The following SLC35D2 variants were observed in gnomAD, a reference collection of about 807,000 sequenced individuals.
SLC35D2 encodes nucleotide sugar transporter SLC35D2.
SLC35D2 carries 43 observed loss-of-function variants against 41.8 expected under a neutral mutation model. That is an observed-to-expected ratio of 1.03 (90% confidence interval 0.81 to 1.33). SLC35D2 has a LOEUF of 1.33. SLC35D2 is among the 40% of genes most tolerant of loss of function. The pLI is 0.00. For synonymous variants in SLC35D2, 150 were observed against 163.9 expected (o/e 0.92, Z 0.65); for missense variants, 380 against 408.4 (o/e 0.93, Z 0.60).
At chr9:96,370,992 C>T (rs1275215561) in intron 1 of SLC35D2, among the ~76,000 whole-genome samples, 1 of 152,184 alleles carries the variant, frequency 6.6e-6, no homozygotes, top group Non-Finnish European at 1.5e-5. Context: ...GAATGACCAA[C>T]ACCTGAGGTG....
At chr9:96,343,881 T>G in intron 8 of SLC35D2, 23 bp downstream of exon 8, 1 of 1,446,694 alleles carries the variant, frequency 6.9e-7, no homozygotes, top group East Asian at 2.5e-5. Flanking sequence ...TAAGGAAAAC[T>G]GTAATGATTG....
chr9:96,380,567 C>T lies in SLC35D2; in HGVS notation c.158+2910G>A, dbSNP rs530955581. On this transcript the variant is annotated intron_variant, in intron 1 of 11. Coordinates refer to ENST00000253270, the MANE Select transcript of SLC35D2 (RefSeq NM_007001.3). ...CTGCCTCCTGAGTTCAAGTGATTCTCCTGACTCAGCCTCCCAAGTAGCTGG... is the reference window on the plus strand; with the variant it reads ...CTGCCTCCTGAGTTCAAGTGATTCTTCTGACTCAGCCTCCCAAGTAGCTGG... 2.6e-5 allele frequency among the ~76,000 whole-genome samples: 4 copies of T among 151,904 alleles called. No homozygotes were observed. In the South Asian group the frequency reaches 8.3e-4, roughly 32 times the overall value.
intron 9 of SLC35D2, among the ~76,000 whole-genome samples, chr9:96,328,591 T>C (rs1035218164): frequency 4.6e-5 from 7 of 152,198 alleles, no homozygotes; most frequent in African/African-American, 1.4e-4. Flanking sequence ...CTCAAAGCCT[T>C]CTTCTTCCTG....
Position 96,345,299 on chromosome 9 carries a change from CT to C in SLC35D2, c.590del (p.Lys197ArgfsTer3), listed in dbSNP as rs757459908. 6.3e-7 allele frequency: 1 copy of C among 1,580,056 alleles called. No individual in the cohort carries two copies. The highest frequency in any genetic ancestry group is 8.7e-7 in the Non-Finnish European group (1 of 1,153,442). ...AAAAGCCATAGGCAAGGTCTGGTAC[CT>C]TTGGGTCCATTTTCTGTTTGGTATA... Reference protein sequence around the residue: ...GVYTKQKMDPKELGKYGVLFY... With the variant: ...GVYTKQKMDPXELGKYGVLFY... On this transcript the variant is annotated frameshift_variant and splice_region_variant, in exon 7 of 12. Transcript: ENST00000253270. LOFTEE classifies it high-confidence loss of function.
intron 1 of SLC35D2, among the ~76,000 whole-genome samples, chr9:96,369,605 G>A (rs1471119452): frequency 6.6e-6 from 1 of 152,154 alleles, no homozygotes; most frequent in Non-Finnish European, 1.5e-5. Flanking sequence ...AAAGAACAGA[G>A]GTCAAGACAG....
At chr9:96,325,538 C>T (rs1828481589) in intron 9 of SLC35D2, among the ~76,000 whole-genome samples, 1 of 152,126 alleles carries the variant, frequency 6.6e-6, no homozygotes, top group Non-Finnish European at 1.5e-5. Flanking sequence ...CAAAAATTAG[C>T]CGGGCGTGGC....
chr9:96,358,233 A>G (rs35278949), intron 4 of SLC35D2, among the ~76,000 whole-genome samples: 4,356 of 151,618 alleles, frequency 0.029, 81 homozygotes, highest in Middle Eastern at 0.058. Flanking sequence ...AATATTGTAC[A>G]ATTCTACTTC....
Position 96,369,419 on chromosome 9 carries a change from C to T in SLC35D2, c.159-1114G>A, listed in dbSNP as rs551030053. Among the ~76,000 whole-genome samples, 174 of 152,240 alleles carry T rather than the reference C, an allele frequency of 1.1e-3. 1 individual carries two copies. The highest frequency in any genetic ancestry group is 6.2e-4 in the Non-Finnish European group (42 of 68,026). ...CAGATATTTTGTGGAAACTGGCAAT[C>T]TGATCCTAAAGCTGAATGAAAAGAA... On this transcript the variant is annotated intron_variant, in intron 1 of 11. Transcript: ENST00000253270.
chr9:96,368,327 A>C, intron 1 of SLC35D2, 22 bp from the exon 2 acceptor site: 1 of 1,598,626 alleles, frequency 6.3e-7, no homozygotes, highest in Non-Finnish European at 8.6e-7. Context: ...ACAGAACAAC[A>C]AATCAGTTGA....
chr9:96,347,066 G>A (rs1010028012), intron 6 of SLC35D2, among the ~76,000 whole-genome samples: 3 of 152,218 alleles, frequency 2.0e-5, no homozygotes, highest in Non-Finnish European at 4.4e-5. Flanking sequence ...AACCAGGGAG[G>A]CAGAGGTTGT....
chr9:96,373,963 T>TA (rs1830825304), intron 1 of SLC35D2: 1 of 152,200 alleles, frequency 6.6e-6, no homozygotes, highest in Non-Finnish European at 1.5e-5. Context: ...CAAGCTGAAG[T>TA]ATTTCAGAGT....
chr9:96,358,077 A>ATT lies in SLC35D2; in HGVS notation c.347+2075_347+2076dup, dbSNP rs1554715391. Among the ~76,000 whole-genome samples the ATT allele has an allele frequency of 1.6e-4, 13 of 82,228 alleles. 1 individual carries two copies. The South Asian group carries it at 2.8e-3, about 17-fold the overall frequency. The allele number at this position is 82,228 out of a possible 152,430, so 53.9% of individuals were successfully genotyped here. On this transcript the variant is annotated intron_variant, in intron 4 of 11. Coordinates refer to ENST00000253270, the MANE Select transcript of SLC35D2 (RefSeq NM_007001.3). Reference sequence around the variant, plus strand: ...TAAATGGATAAACAAAATATTATATATTTTATATATATATATATATATATA... The same window carrying ATT: ...TAAATGGATAAACAAAATATTATATATTTTTTATATATATATATATATATATA...
chr9:96,357,875 C>CA (rs985556241), intron 4 of SLC35D2, among the ~76,000 whole-genome samples: 8 of 151,378 alleles, frequency 5.3e-5, no homozygotes, highest in Admixed American at 3.9e-4. Flanking sequence ...CTAGTCTCTA[C>CA]AAAAAACATA....
At chr9:96,334,648 A>AT (rs944786895) in intron 9 of SLC35D2, among the ~76,000 whole-genome samples, 2 of 152,086 alleles carry the variant, frequency 1.3e-5, no homozygotes, top group African/African-American at 4.8e-5. Context: ...AAAAAAAAAA[A>AT]TTTTTTTTAA....
intron 8 of SLC35D2, among the ~76,000 whole-genome samples, chr9:96,341,158 G>C (rs554253240): frequency 1.3e-5 from 2 of 152,000 alleles, no homozygotes; most frequent in African/African-American, 4.8e-5. Context: ...GTGGTGGTGC[G>C]CTCCTGTAAT....
chr9:96,343,958 G>A lies in SLC35D2; in HGVS notation c.630C>T (p.Cys210=), dbSNP rs1480023507. The A allele has an allele frequency of 2.5e-6, 4 of 1,601,604 alleles. No homozygotes were observed. The highest frequency in any genetic ancestry group is 1.1e-5 in the South Asian group (1 of 88,786). ...GKYGVLFYNA[C]FMIIPTLIIS... ...TAATAAGAGTTGGGATAATCATGAA[G>A]CAGGCATTGTAGAAAAGTACTCCGT... is the stretch of plus-strand genomic sequence containing the variant. Residue 210 remains cysteine, a synonymous_variant, in exon 8 of 12, where the codon TGC becomes TGT. Coordinates refer to ENST00000253270, the MANE Select transcript of SLC35D2 (RefSeq NM_007001.3).
intron 1 of SLC35D2, among the ~76,000 whole-genome samples, chr9:96,377,597 A>G (rs1447600564): frequency 1.3e-5 from 2 of 152,216 alleles, no homozygotes; most frequent in Non-Finnish European, 2.9e-5. Context: ...TTCCCAAATA[A>G]AACATTAAAT....
chr9:96,336,628 TTC>T, intron 9 of SLC35D2, 87 bp downstream of exon 9: 4 of 819,790 alleles, frequency 4.9e-6, no homozygotes, highest in Non-Finnish European at 7.9e-6. Flanking sequence ...CACAAAGGAA[TTC>T]TGACAGAATA....
intron 7 of SLC35D2, among the ~76,000 whole-genome samples, chr9:96,344,837 C>T (rs189577315): frequency 1.3e-5 from 2 of 152,036 alleles, no homozygotes; most frequent in Non-Finnish European, 2.9e-5. Flanking sequence ...TGGACAAGAC[C>T]TTACAAATTA....
Sources: gnomAD v4.1 joint callset for allele counts (sites outside exome capture counted in the v4.1 genomes callset) on GRCh38, gnomAD v4.1.1 for gene constraint, MANE v1.5 for transcripts, NCBI Gene and HGNC (gene_info 2026-07-23, HGNC 2026-07-21) for gene names.